DOCK4: variants seen among roughly 807,000 people sequenced by gnomAD.
DOCK4 encodes dedicator of cytokinesis protein 4.
DOCK4 carries 97 observed loss-of-function variants against 268.1 expected under a neutral mutation model. The ratio of observed to expected loss-of-function variants is 0.36; its 90% confidence interval spans 0.31 to 0.43. DOCK4 has a LOEUF of 0.43. DOCK4 is among the 20% of genes least tolerant of loss of function. The pLI is 1.00. For synonymous variants in DOCK4, 954 were observed against 887.2 expected (o/e 1.08, Z -1.34); for missense variants, 2,145 against 2,455.7 (o/e 0.87, Z 2.67).
chr7:111,763,089 G>A (rs1797555985), intron 39 of DOCK4, among the ~76,000 whole-genome samples: 1 of 151,228 alleles, frequency 6.6e-6, no homozygotes, highest in Admixed American at 6.6e-5. Flanking sequence ...TTTTCATGAG[G>A]GGAAAAATCC....
At chr7:111,759,711 C>T (rs1436099880) in intron 40 of DOCK4, among the ~76,000 whole-genome samples, 2 of 143,526 alleles carry the variant, frequency 1.4e-5, no homozygotes, top group African/African-American at 5.2e-5. Context: ...GTTCAGGATG[C>T]CATAGCTAAA....
chr7:112,133,886 G>A (rs77447592), intron 1 of DOCK4, among the ~76,000 whole-genome samples: 1 of 152,122 alleles, frequency 6.6e-6, no homozygotes, highest in Admixed American at 6.6e-5. Flanking sequence ...TCACATTAAG[G>A]CTTCCTCAAA....
chr7:111,884,427 T>C (rs1807671346), intron 16 of DOCK4, among the ~76,000 whole-genome samples: 1 of 152,192 alleles, frequency 6.6e-6, no homozygotes, highest in Non-Finnish European at 1.5e-5. Context: ...CCATATAACA[T>C]TGCCTCCCTC....
intron 1 of DOCK4, among the ~76,000 whole-genome samples, chr7:112,200,725 T>TTAAAAAAA (rs1554478846): frequency 1.9e-5 from 2 of 102,766 alleles, no homozygotes; most frequent in African/African-American, 6.7e-5. Context: ...GCCTCTAAAA[T>TTAAAAAAA]AAAAAAAAAA....
chr7:112,110,483 C>T (rs1181149144), intron 1 of DOCK4, among the ~76,000 whole-genome samples: 1 of 152,178 alleles, frequency 6.6e-6, no homozygotes, highest in East Asian at 1.9e-4. Flanking sequence ...AATGTTATTA[C>T]CCCTGCATCA....
At chr7:112,016,646 T>C (rs892507662) in intron 1 of DOCK4, among the ~76,000 whole-genome samples, 1 of 152,216 alleles carries the variant, frequency 6.6e-6, no homozygotes, top group Non-Finnish European at 1.5e-5. Context: ...ATTATTTCAA[T>C]TGCAATCAAA....
rs767870061 is a variant in DOCK4, at chr7:111,736,995, A to AAGTT, written c.5233-10_5233-7dup. 3.1e-6 allele frequency: 5 copies of AAGTT among 1,600,710 alleles called. No homozygotes were observed. The African/African-American group carries it at 6.7e-5, about 21-fold the overall frequency. On this transcript the variant is annotated splice_region_variant and splice_polypyrimidine_tract_variant and intron_variant, in intron 49 of 52. Transcript: ENST00000428084. ...ATATGATTAAACAGCATCCTCTGCA[A>AAGTT]AGTTACAAGGGTTGATTTTTATGAT...
At chr7:111,945,343 G>A (rs551782379) in intron 9 of DOCK4, among the ~76,000 whole-genome samples, 2 of 152,186 alleles carry the variant, frequency 1.3e-5, no homozygotes, top group South Asian at 2.1e-4. Flanking sequence ...CTGCCACCAC[G>A]CCTGGCTAAT....
At position 111,741,576 on chromosome 7, in the gene DOCK4, A is replaced by C; in HGVS notation, c.4883T>G (p.Val1628Gly). 6.2e-7 allele frequency: 1 copy of C among 1,613,524 alleles called. No homozygotes were observed. The highest frequency in any genetic ancestry group is 8.5e-7 in the Non-Finnish European group (1 of 1,179,706). Residue 1628 changes from valine (V) to glycine (G), a missense_variant, in exon 46 of 53, where the codon GTG (valine) becomes GGG (glycine). Val to Gly is a moderately radical substitution (Grantham distance 109). This residue lies in a region of DOCK4 where 547 missense variants were observed against 469.0 expected (regional missense o/e 1.17). Transcript: ENST00000428084. ...RVCRNSAPAS[V>G]SPDGTRVIPR... ...AATTACCCTGGTACCATCTGGGCTCACAGAAGCAGGTGCTGAGTTTCTACA... is the reference window on the plus strand; with the variant it reads ...AATTACCCTGGTACCATCTGGGCTCCCAGAAGCAGGTGCTGAGTTTCTACA...
At chr7:111,970,729 G>A (rs73207433) in intron 8 of DOCK4, among the ~76,000 whole-genome samples, 18,181 of 152,170 alleles carry the variant, frequency 0.12, 1,148 homozygotes, top group Middle Eastern at 0.18. Flanking sequence ...TCTCCAATGT[G>A]GCTGTGCCTT....
rs751671597 is a variant in DOCK4, at chr7:111,844,914, T to A, written c.2602-17A>T. ...AGATTTTTCCTTAAGAGAAAAAAAA[T>A]AATATGTTCAGGAAACTGGGGTTTA... On this transcript the variant is annotated splice_polypyrimidine_tract_variant and intron_variant, in intron 24 of 52. Transcript: ENST00000428084. 5 of 1,600,968 alleles carry A rather than the reference T, an allele frequency of 3.1e-6. No homozygotes were observed. Among genetic ancestry groups the A allele is most frequent in the Admixed American group, 3.5e-5 (2 of 57,948 alleles).
At chr7:112,197,688 G>C (rs1336332603) in intron 1 of DOCK4, among the ~76,000 whole-genome samples, 1 of 151,962 alleles carries the variant, frequency 6.6e-6, no homozygotes, top group Non-Finnish European at 1.5e-5. Flanking sequence ...TGAAATTTGG[G>C]GTCTGTCATG....
intron 13 of DOCK4, among the ~76,000 whole-genome samples, chr7:111,908,460 A>G (rs774440818): frequency 2.4e-4 from 36 of 149,220 alleles, no homozygotes; most frequent in Middle Eastern, 6.8e-3. Flanking sequence ...AAAAATAAAT[A>G]AAATAATAAT....
At chr7:112,010,773 G>A (rs1801226233) in intron 1 of DOCK4, among the ~76,000 whole-genome samples, 1 of 152,220 alleles carries the variant, frequency 6.6e-6, no homozygotes, top group South Asian at 2.1e-4. Context: ...TCTGGCCTAT[G>A]TGACTTTGAA....
chr7:111,980,470 GAAGA>G (rs1394272307), intron 7 of DOCK4, among the ~76,000 whole-genome samples: 2 of 152,184 alleles, frequency 1.3e-5, no homozygotes, highest in Non-Finnish European at 2.9e-5. Context: ...TTGATTAGGA[GAAGA>G]AAGAGATTCA....
intron 1 of DOCK4, among the ~76,000 whole-genome samples, chr7:112,162,344 T>C (rs1047463110): frequency 6.6e-6 from 1 of 152,002 alleles, no homozygotes; most frequent in Admixed American, 6.6e-5. Context: ...CCCAGCCCCC[T>C]TGCCTCAGAG....
At chr7:112,155,272 C>T (rs988581) in intron 1 of DOCK4, among the ~76,000 whole-genome samples, 76,199 of 151,924 alleles carry the variant, frequency 0.5, 19,290 homozygotes, top group East Asian at 0.69. Flanking sequence ...CAAAAGAAGT[C>T]CTTAGTCTAT....
intron 47 of DOCK4, 59 bp from the exon 48 acceptor site, chr7:111,739,536 C>G: frequency 2.9e-6 from 4 of 1,386,686 alleles, no homozygotes; most frequent in Non-Finnish European, 4.0e-6. Flanking sequence ...ACGACACTGA[C>G]GTATTTGAAA....
intron 10 of DOCK4, among the ~76,000 whole-genome samples, chr7:111,943,367 T>C (rs2134791949): frequency 6.6e-6 from 1 of 152,336 alleles, no homozygotes; most frequent in Admixed American, 6.5e-5. Context: ...ACATACTCAC[T>C]TTGCTGCATG....
Sources: gnomAD v4.1 joint callset for allele counts (sites outside exome capture counted in the v4.1 genomes callset) on GRCh38, gnomAD v4.1.1 for gene constraint, gnomAD v4.1.1 regional missense constraint, MANE v1.5 for transcripts, NCBI Gene and HGNC (gene_info 2026-07-23, HGNC 2026-07-21) for gene names.